MTR: variants seen among roughly 807,000 people sequenced by gnomAD.
MTR encodes 5-methyltetrahydrofolate-homocysteine methyltransferase.
In MTR, 84 loss-of-function variants were observed where a neutral mutation model predicts 154.8. The observed-to-expected ratio is 0.54, with a 90% CI of 0.45 to 0.65. The LOEUF (loss-of-function observed/expected upper bound fraction) is 0.65, where lower values mean the gene tolerates loss of function less well. Ranked by LOEUF, MTR falls within the 30% of genes least tolerant of loss-of-function variation. The probability of loss-of-function intolerance (pLI) is 0.00; values close to 1 mark genes in which losing one functional copy is unlikely to be tolerated. For missense variants in MTR, 1,275 were observed against 1,570.2 expected (o/e 0.81, Z 3.18); for synonymous variants, 554 against 553.9 (o/e 1.00, Z 0.00).
At chr1:236,819,860 T>C in intron 8 of MTR, 1 of 776,030 alleles carries the variant, frequency 1.3e-6, no homozygotes, top group Non-Finnish European at 2.3e-6. Context: ...CTGATGTCAG[T>C]GTCATATCCT....
At chr1:236,838,718 A>G in intron 15 of MTR, 119 bp downstream of exon 15, 2 of 1,058,218 alleles carry the variant, frequency 1.9e-6, no homozygotes, top group East Asian at 2.6e-5. Flanking sequence ...CTCTTTCCAT[A>G]TACATTCATG....
chr1:236,861,114 G>GGGCATTGAAAAACATAT lies in MTR; in HGVS notation c.2044-11_2044-10insGGCATTGAAAAACATAT. ...TTCTTTTTCTTTTTTTTTTTTTTTT[G>GGGCATTGAAAAACATAT]TCTTTTTTAGGGCATTGAAAAACAT... On this transcript the variant is annotated splice_polypyrimidine_tract_variant and intron_variant, in intron 19 of 32. Transcript: ENST00000366577. 1.8e-6 allele frequency: 1 copy of GGGCATTGAAAAACATAT among 541,860 alleles called. No individual in the cohort carries two copies. Among genetic ancestry groups the GGGCATTGAAAAACATAT allele is most frequent in the South Asian group, 4.1e-5 (1 of 24,370 alleles). The allele number at this position is 541,860 out of a possible 1,614,324, so 33.6% of individuals were successfully genotyped here.
At chr1:236,854,200 T>A (rs746458684) in intron 18 of MTR, among the ~76,000 whole-genome samples, 2 of 152,210 alleles carry the variant, frequency 1.3e-5, no homozygotes, top group Non-Finnish European at 2.9e-5. Context: ...TCAGCCTTAC[T>A]GGTAGTAAGA....
chr1:236,852,665 G>C, intron 17 of MTR, 28 bp downstream of exon 17: 1 of 1,594,810 alleles, frequency 6.3e-7, no homozygotes, highest in Non-Finnish European at 8.6e-7. Context: ...TTAGCCCTGC[G>C]GAAACCAGTT....
chr1:236,811,423 T>C (rs1258729615), intron 5 of MTR, among the ~76,000 whole-genome samples: 1 of 152,214 alleles, frequency 6.6e-6, no homozygotes, highest in East Asian at 1.9e-4. Context: ...TCTAGGTCAA[T>C]TTCTAAGCAT....
At chr1:236,828,269 G>A (rs920074488) in intron 11 of MTR, among the ~76,000 whole-genome samples, 4 of 152,132 alleles carry the variant, frequency 2.6e-5, no homozygotes, top group Admixed American at 6.5e-5. Flanking sequence ...GAGCCACCGC[G>A]CCTGGCCTAA....
chr1:236,841,348 C>G (rs1663223193), intron 15 of MTR, among the ~76,000 whole-genome samples: 1 of 152,166 alleles, frequency 6.6e-6, no homozygotes, highest in South Asian at 2.1e-4. Flanking sequence ...TCCTTTCTCA[C>G]TCTTTATTTG....
At chr1:236,872,360 G>A (rs1341116144) in intron 22 of MTR, among the ~76,000 whole-genome samples, 5 of 151,964 alleles carry the variant, frequency 3.3e-5, no homozygotes, top group Non-Finnish European at 7.4e-5. Flanking sequence ...CTTGCCCTCG[G>A]TGACCTGCAC....
chr1:236,860,404 T>C (rs1218334327), intron 19 of MTR, among the ~76,000 whole-genome samples: 1 of 134,008 alleles, frequency 7.5e-6, no homozygotes, highest in Non-Finnish European at 1.6e-5. Context: ...AGTTTTGTTT[T>C]GTTTTGTTTT....
intron 22 of MTR, among the ~76,000 whole-genome samples, chr1:236,866,868 C>A (rs771403870): frequency 2.0e-5 from 3 of 152,154 alleles, no homozygotes; most frequent in Admixed American, 2.0e-4. Flanking sequence ...GAGCTCCAAC[C>A]GTCTTCAATT....
intron 8 of MTR, among the ~76,000 whole-genome samples, chr1:236,822,309 T>TTTG (rs2103086271): frequency 7.7e-6 from 1 of 130,690 alleles, no homozygotes; most frequent in African/African-American, 2.7e-5. Flanking sequence ...TGGGGTTTTT[T>TTTG]TTGTTTTTTT....
In MTR at chr1:236,795,649, G is replaced by A; in HGVS notation, c.-55G>A. On this transcript the variant is annotated 5_prime_UTR_variant, in exon 1 of 33. The change creates a new upstream start codon in the 5' untranslated region. Transcript: ENST00000366577. ...GCGTGGCCCTTGGCCGTCGTCACCT[G>A]TGGAGAGCACGTCTTCTCTGCCGCG... 1.2e-6 allele frequency: 2 copies of A among 1,612,078 alleles called. No individual in the cohort carries two copies. Among genetic ancestry groups the A allele is most frequent in the Non-Finnish European group, 1.7e-6 (2 of 1,179,832 alleles).
intron 30 of MTR, 99 bp downstream of exon 30, chr1:236,894,656 G>GTTT: frequency 9.1e-7 from 1 of 1,095,066 alleles, no homozygotes; most frequent in Non-Finnish European, 1.3e-6. Context: ...TAGAACCAGT[G>GTTT]TCTTTTTTTT....
At chr1:236,848,803 G>A (rs16834465) in intron 15 of MTR, among the ~76,000 whole-genome samples, 2,908 of 152,224 alleles carry the variant, frequency 0.019, 97 homozygotes, top group African/African-American at 0.064. Context: ...AAAGAAAACA[G>A]TTGAAAAAGA....
chr1:236,844,741 T>G (rs765948111), intron 15 of MTR, among the ~76,000 whole-genome samples: 5 of 152,072 alleles, frequency 3.3e-5, no homozygotes, highest in Non-Finnish European at 7.4e-5. Flanking sequence ...CTGGTTGATG[T>G]GCTGGCGGGA....
In MTR at chr1:236,852,640, A is replaced by G. The variant is rs1201235550; in HGVS notation, c.1812+3A>G. The G allele has an allele frequency of 6.2e-7, 1 of 1,611,280 alleles. No individual in the cohort carries two copies. The highest frequency in any genetic ancestry group is 1.1e-5 in the South Asian group (1 of 91,038). Reference sequence around the variant, plus strand: ...TTTTCCTTTACCATGCAATCAAGGTATGGTAGAAGAACTCTTAGCCCTGCG... The same window carrying G: ...TTTTCCTTTACCATGCAATCAAGGTGTGGTAGAAGAACTCTTAGCCCTGCG... On this transcript the variant is annotated splice_donor_region_variant and intron_variant, in intron 17 of 32. Transcript: ENST00000366577.
rs1334588404 is a variant in MTR at position 236,844,943 on chromosome 1, TTG to T, written c.1516-5400_1516-5399del. Among the ~76,000 whole-genome samples, 4 of 152,326 alleles carry T rather than the reference TTG, an allele frequency of 2.6e-5. No individual in the cohort carries two copies. The East Asian group carries it at 5.8e-4, about 22-fold the overall frequency. The stretch of plus-strand genomic sequence containing the variant: ...ACTCCTGGACTTCAGCCCTTGAGTT[TTG>T]ACTCATTTGGTCTGGGATGAGGCCT... On this transcript the variant is annotated intron_variant, in intron 15 of 32. Coordinates refer to ENST00000366577, the MANE Select transcript of MTR (RefSeq NM_000254.3).
intron 15 of MTR, among the ~76,000 whole-genome samples, chr1:236,839,772 A>G (rs917234380): frequency 1.3e-5 from 2 of 152,220 alleles, no homozygotes; most frequent in African/African-American, 4.8e-5. Context: ...GCATTGTGGT[A>G]GCAAAAAGCT....
chr1:236,815,488 T>A (rs1661534464), intron 6 of MTR, 116 bp from the exon 7 acceptor site: 2 of 989,544 alleles, frequency 2.0e-6, no homozygotes, highest in Non-Finnish European at 3.2e-6. Context: ...CCCAGAGAGC[T>A]TGATGTATAT....
Sources: allele counts gnomAD v4.1 joint callset (sites outside exome capture counted in the v4.1 genomes callset), GRCh38; gene constraint gnomAD v4.1.1; transcripts MANE v1.5; gene names NCBI Gene and HGNC (gene_info 2026-07-23, HGNC 2026-07-21).